Variants in STIM1 observed in about 807,000 individuals in gnomAD.
STIM1 encodes the protein stromal interaction molecule 1.
A neutral mutation model predicts 74.7 loss-of-function variants in STIM1; 25 were observed. That is an observed-to-expected ratio of 0.33 (90% CI 0.24 to 0.47). STIM1 has a LOEUF of 0.47. STIM1 is among the 20% of genes least tolerant of loss of function. The pLI is 1.00. For missense variants in STIM1, 728 were observed against 920.8 expected (o/e 0.79, Z 2.71); for synonymous variants, 328 against 348.8 (o/e 0.94, Z 0.66).
At chr11:3,965,646 G>T (rs1179670369) in intron 1 of STIM1, among the ~76,000 whole-genome samples, 1 of 152,234 alleles carries the variant, frequency 6.6e-6, no homozygotes, top group Non-Finnish European at 1.5e-5. Context: ...AATGTAGAGA[G>T]AAATAAGTTT....
intron 2 of STIM1, among the ~76,000 whole-genome samples, chr11:3,971,033 G>A (rs1458415564): frequency 3.3e-5 from 5 of 152,114 alleles, no homozygotes; most frequent in East Asian, 1.9e-4. Context: ...TTCTGCAGCC[G>A]TAGTCAAAGG....
At chr11:3,899,444 C>A (rs2092284559) in intron 1 of STIM1, among the ~76,000 whole-genome samples, 1 of 152,098 alleles carries the variant, frequency 6.6e-6, no homozygotes, top group Non-Finnish European at 1.5e-5. Flanking sequence ...TCTAGATATA[C>A]AATCATGTCA....
chr11:3,868,380 G>T (rs1161995593), intron 1 of STIM1: 2 of 152,200 alleles, frequency 1.3e-5, no homozygotes, highest in Non-Finnish European at 2.9e-5. Flanking sequence ...TACTGATGAA[G>T]AAATTGTAAC....
intron 2 of STIM1, among the ~76,000 whole-genome samples, chr11:3,979,449 A>G (rs192212010): frequency 1.2e-4 from 18 of 152,180 alleles, no homozygotes; most frequent in Admixed American, 1.0e-3. Context: ...TTTTCATTGA[A>G]ATATATTTTT....
chr11:4,018,759 T>G (rs2093927822), intron 2 of STIM1, among the ~76,000 whole-genome samples: 1 of 152,134 alleles, frequency 6.6e-6, no homozygotes, highest in African/African-American at 2.4e-5. Context: ...CCAACGATAC[T>G]GGCCTTCTTG....
At chr11:3,992,102 T>G (rs1289252726) in intron 2 of STIM1, among the ~76,000 whole-genome samples, 11 of 139,176 alleles carry the variant, frequency 7.9e-5, no homozygotes, top group Non-Finnish European at 1.4e-4. Context: ...TTTTTTTTTT[T>G]TTTTTTTTTA....
At chr11:3,888,161 G>A (rs1487286224) in intron 1 of STIM1, 2 of 152,218 alleles carry the variant, frequency 1.3e-5, no homozygotes, top group Non-Finnish European at 2.9e-5. Flanking sequence ...AACAGGTGAG[G>A]CTTTTAGGTC....
chr11:4,027,137 G>A (rs2094004140), intron 3 of STIM1, among the ~76,000 whole-genome samples: 1 of 152,018 alleles, frequency 6.6e-6, no homozygotes, highest in African/African-American at 2.4e-5. Flanking sequence ...TATTCCAAAA[G>A]TTCAGTGGGT....
At chr11:3,971,338 G>C (rs2135751996) in intron 2 of STIM1, among the ~76,000 whole-genome samples, 1 of 151,950 alleles carries the variant, frequency 6.6e-6, no homozygotes. Context: ...GACCATCCTG[G>C]CTAACACGGT....
chr11:3,887,832 G>A (rs2091766835), intron 1 of STIM1, among the ~76,000 whole-genome samples: 1 of 152,010 alleles, frequency 6.6e-6, no homozygotes, highest in South Asian at 2.1e-4. Flanking sequence ...GCCGGACGTG[G>A]TGGCATGCAC....
intron 2 of STIM1, among the ~76,000 whole-genome samples, chr11:4,020,620 G>A (rs2093946714): frequency 6.6e-6 from 1 of 150,656 alleles, no homozygotes; most frequent in Non-Finnish European, 1.5e-5. Flanking sequence ...ACAAGGTCTC[G>A]CTCTGTCACC....
intron 1 of STIM1, among the ~76,000 whole-genome samples, chr11:3,911,576 G>A (rs1036544165): frequency 6.6e-6 from 1 of 151,950 alleles, no homozygotes; most frequent in African/African-American, 2.4e-5. Context: ...TTGTAGAGAC[G>A]GGGTCTCCTT....
intron 12 of STIM1, among the ~76,000 whole-genome samples, chr11:4,089,437 A>G (rs760343261): frequency 2.6e-5 from 4 of 152,132 alleles, no homozygotes; most frequent in Non-Finnish European, 4.4e-5. Context: ...ATTGGTTTAT[A>G]ATAGTGTTTG....
intron 1 of STIM1, among the ~76,000 whole-genome samples, chr11:3,925,143 T>C (rs2092771788): frequency 6.6e-6 from 1 of 152,242 alleles, no homozygotes; most frequent in African/African-American, 2.4e-5. Flanking sequence ...ACGCCTGTAA[T>C]CCCAGCACTT....
At chr11:4,032,379 A>G (rs765475329) in intron 3 of STIM1, among the ~76,000 whole-genome samples, 1 of 152,226 alleles carries the variant, frequency 6.6e-6, no homozygotes, top group Non-Finnish European at 1.5e-5. Flanking sequence ...TTTGGACTCT[A>G]TTATGATACG....
At chr11:4,042,633 C>G (rs2094156925) in intron 3 of STIM1, among the ~76,000 whole-genome samples, 2 of 152,138 alleles carry the variant, frequency 1.3e-5, no homozygotes, top group South Asian at 4.1e-4. Context: ...GTCAGCAATA[C>G]CTCATTCTCC....
At chr11:4,036,863 A>G (rs970410985) in intron 3 of STIM1, among the ~76,000 whole-genome samples, 1 of 152,210 alleles carries the variant, frequency 6.6e-6, no homozygotes, top group Non-Finnish European at 1.5e-5. Context: ...CAAATGCAAC[A>G]CAAGCAAAAA....
chr11:3,980,447 A>G (rs1490446828), intron 2 of STIM1, among the ~76,000 whole-genome samples: 1 of 152,040 alleles, frequency 6.6e-6, no homozygotes, highest in Non-Finnish European at 1.5e-5. Flanking sequence ...GTTCCAGATA[A>G]ATCCTTATCC....
At chr11:3,860,315 A>G (rs532508767) in intron 1 of STIM1, among the ~76,000 whole-genome samples, 8 of 152,366 alleles carry the variant, frequency 5.3e-5, no homozygotes, top group African/African-American at 1.7e-4. Flanking sequence ...TCTTATTACC[A>G]TCCTGTGTTA....
Sources: gnomAD v4.1 joint callset for allele counts (sites outside exome capture counted in the v4.1 genomes callset) on GRCh38, gnomAD v4.1.1 for gene constraint, MANE v1.5 for transcripts, NCBI Gene and HGNC (gene_info 2026-07-23, HGNC 2026-07-21) for gene names.